The following HSF5 variants were observed in gnomAD, a reference collection of about 807,000 sequenced individuals.
The protein encoded by HSF5 is heat shock factor protein 5.
Under a neutral mutation model 50.8 loss-of-function variants are expected in HSF5, and 5 were observed. The observed-to-expected ratio is 0.10, with a 90% confidence interval of 0.05 to 0.21. HSF5 has a LOEUF of 0.21. HSF5 is among the 10% of genes least tolerant of loss of function. The pLI, the probability that HSF5 is intolerant of heterozygous loss-of-function variation, is 1.00. For synonymous variants in HSF5, 307 were observed against 307.4 expected (o/e 1.00, Z 0.02); for missense variants, 564 against 762.6 (o/e 0.74, Z 3.07).
At chr17:58,476,061 C>T in intron 2 of HSF5, 1 of 485,478 alleles carries the variant, frequency 2.1e-6, no homozygotes, top group Non-Finnish European at 3.6e-6. Context: ...CCAAAAAAAC[C>T]TGCAACTTGC....
intron 5 of HSF5, among the ~76,000 whole-genome samples, chr17:58,449,689 G>C (rs377481115): frequency 6.8e-6 from 1 of 147,490 alleles, no homozygotes; most frequent in Non-Finnish European, 1.5e-5. Flanking sequence ...GACGGAGTGA[G>C]GCTCCATCTC....
intron 4 of HSF5, among the ~76,000 whole-genome samples, chr17:58,460,667 G>A (rs1308738826): frequency 2.6e-5 from 4 of 150,978 alleles, no homozygotes; most frequent in Non-Finnish European, 5.9e-5. Context: ...CCACCACCAC[G>A]CCCGGCTAAT....
intron 5 of HSF5, among the ~76,000 whole-genome samples, chr17:58,445,989 T>A (rs892854727): frequency 1.3e-5 from 2 of 151,810 alleles, no homozygotes; most frequent in Non-Finnish European, 2.9e-5. Flanking sequence ...TACAAAAAAA[T>A]TAGCCAGGTA....
At chr17:58,443,909 C>T (rs1974526744) in intron 5 of HSF5, among the ~76,000 whole-genome samples, 1 of 152,120 alleles carries the variant, frequency 6.6e-6, no homozygotes, top group Admixed American at 6.5e-5. Flanking sequence ...GAATTCTGGC[C>T]TTAGCAGTTC....
In HSF5 at chr17:58,422,445, T is replaced by C. The variant is rs775048649; in HGVS notation, c.1721-15A>G. The C allele has an allele frequency of 1.2e-6, 2 of 1,610,688 alleles. No individual in the cohort carries two copies. The highest frequency in any genetic ancestry group is 2.2e-5 in the East Asian group (1 of 44,860). On this transcript the variant is annotated splice_polypyrimidine_tract_variant and intron_variant, in intron 5 of 5. Transcript: ENST00000323777. ...CAGATGAAGATCTAGAAAGAAAGGA[T>C]AGTTTACTCCCTCTTAGCCTCTCTG...
chr17:58,461,213 C>CACAACA (rs36215581), intron 4 of HSF5, among the ~76,000 whole-genome samples: 3 of 146,744 alleles, frequency 2.0e-5, no homozygotes, highest in African/African-American at 7.6e-5. Flanking sequence ...GATTCCATCT[C>CACAACA]ACAACAACAA....
intron 5 of HSF5, among the ~76,000 whole-genome samples, chr17:58,428,894 A>G (rs1179488656): frequency 1.3e-5 from 2 of 152,230 alleles, no homozygotes; most frequent in Non-Finnish European, 2.9e-5. Flanking sequence ...TTCTAGGTAT[A>G]GACCCCGAAG....
intron 3 of HSF5, among the ~76,000 whole-genome samples, chr17:58,463,617 C>T (rs951208732): frequency 1.3e-5 from 2 of 152,186 alleles, no homozygotes; most frequent in African/African-American, 4.8e-5. Flanking sequence ...AGCATCTATA[C>T]ACCAAATTCT....
chr17:58,439,281 CAAA>C (rs1244483556), intron 5 of HSF5, among the ~76,000 whole-genome samples: 1 of 137,362 alleles, frequency 7.3e-6, no homozygotes, highest in Non-Finnish European at 1.6e-5. Flanking sequence ...AAAAAAAAAA[CAAA>C]AACAACAACA....
intron 5 of HSF5, among the ~76,000 whole-genome samples, chr17:58,449,380 A>G (rs1390211367): frequency 6.6e-6 from 1 of 152,250 alleles, no homozygotes; most frequent in Non-Finnish European, 1.5e-5. Context: ...TGCTACCTAT[A>G]AGAAACTCAC....
At chr17:58,426,287 T>A (rs972082509) in intron 5 of HSF5, among the ~76,000 whole-genome samples, 1 of 152,214 alleles carries the variant, frequency 6.6e-6, no homozygotes, top group African/African-American at 2.4e-5. Flanking sequence ...CTAAACATAA[T>A]TTTATTAAAG....
At chr17:58,484,161 C>T (rs1357183902) in intron 1 of HSF5, among the ~76,000 whole-genome samples, 1 of 150,290 alleles carries the variant, frequency 6.7e-6, no homozygotes, top group Non-Finnish European at 1.5e-5. Flanking sequence ...AGACAGTCCA[C>T]ACCTGACATA....
intron 5 of HSF5, among the ~76,000 whole-genome samples, chr17:58,443,003 G>A (rs1974517867): frequency 6.6e-6 from 1 of 151,902 alleles, no homozygotes; most frequent in Non-Finnish European, 1.5e-5. Flanking sequence ...CTGCCTCCCA[G>A]GTTCATGCCA....
In HSF5 at chr17:58,435,772, G is replaced by A. The variant is rs561981482; in HGVS notation, c.1721-13342C>T. Among the ~76,000 whole-genome samples the A allele has an allele frequency of 1.6e-4, 24 of 151,584 alleles. No individual in the cohort carries two copies. In the South Asian group the frequency reaches 2.7e-3, roughly 17 times the overall value. The stretch of plus-strand genomic sequence containing the variant: ...AAATTAGCCGGGCATGGTGGCGGGC[G>A]CCTGTAGTCCCAGCTACTCGGGAGG... On this transcript the variant is annotated intron_variant, in intron 5 of 5. Transcript: ENST00000323777.
At chr17:58,459,849 T>C (rs1387767117) in intron 4 of HSF5, among the ~76,000 whole-genome samples, 1 of 152,102 alleles carries the variant, frequency 6.6e-6, no homozygotes, top group Non-Finnish European at 1.5e-5. Flanking sequence ...GAATATGTTC[T>C]ATCAGACTTC....
chr17:58,463,424 A>T, intron 3 of HSF5, 121 bp from the exon 4 acceptor site: 1 of 756,442 alleles, frequency 1.3e-6, no homozygotes. Flanking sequence ...AAGATCACTA[A>T]GAAAACCTAG....
At chr17:58,432,068 T>C (rs1974371604) in intron 5 of HSF5, among the ~76,000 whole-genome samples, 1 of 152,208 alleles carries the variant, frequency 6.6e-6, no homozygotes, top group South Asian at 2.1e-4. Context: ...GTTAAGATGG[T>C]AAATTTTATG....
chr17:58,457,885 A>G (rs971904106), intron 5 of HSF5, among the ~76,000 whole-genome samples: 5 of 152,238 alleles, frequency 3.3e-5, no homozygotes, highest in Admixed American at 2.0e-4. Context: ...TAGTGAATAA[A>G]TGATAGACAG....
chr17:58,471,621 C>CT (rs35088448), intron 2 of HSF5, among the ~76,000 whole-genome samples: 118,609 of 144,660 alleles, frequency 0.82, 48,588 homozygotes, highest in East Asian at 0.99. Flanking sequence ...CCTTTTCTTT[C>CT]TTTTTTTTTT....
Sources: allele counts gnomAD v4.1 joint callset (sites outside exome capture counted in the v4.1 genomes callset), GRCh38; gene constraint gnomAD v4.1.1; transcripts MANE v1.5; gene names NCBI Gene and HGNC (gene_info 2026-07-23, HGNC 2026-07-21).